ESRRG: variants seen among roughly 807,000 people sequenced by gnomAD.
ESRRG encodes estrogen related receptor gamma, also known as estrogen-related receptor gamma.
Under a neutral mutation model 44.0 loss-of-function variants are expected in ESRRG, and 13 were observed. The observed-to-expected ratio is 0.30, with a 90% CI of 0.19 to 0.47. ESRRG has a LOEUF of 0.47. ESRRG is among the 20% of genes least tolerant of loss of function. ESRRG has a pLI of 1.00. For missense variants in ESRRG, 395 were observed against 580.6 expected, an observed-to-expected ratio of 0.68 and a Z score of 3.29; for synonymous variants, 215 against 214.6, an observed-to-expected ratio of 1.00 and a Z score of -0.02.
intron 1 of ESRRG, among the ~76,000 whole-genome samples, chr1:217,094,717 G>T (rs2092397900): frequency 6.6e-6 from 1 of 152,222 alleles, no homozygotes; most frequent in Admixed American, 6.5e-5. Flanking sequence ...TGCACATCTT[G>T]CTAGTTATAG....
In ESRRG at chr1:216,723,303, C is replaced by A; in HGVS notation, c.-4G>T. On this transcript the variant is annotated 5_prime_UTR_variant, in exon 1 of 7. Transcript: ENST00000408911. ...GGCAAAGTTCTACCGAATCCATGTG[C>A]GACCGGCAACCATTATTTGTGCACC... is the stretch of plus-strand genomic sequence containing the variant. The A allele has an allele frequency of 6.2e-7, 1 of 1,613,794 alleles. No homozygotes were observed. Among genetic ancestry groups the A allele is most frequent in the Non-Finnish European group, 8.5e-7 (1 of 1,179,846 alleles).
At chr1:217,058,900 T>A (rs1433810183) in intron 1 of ESRRG, among the ~76,000 whole-genome samples, 1 of 147,218 alleles carries the variant, frequency 6.8e-6, no homozygotes, top group Non-Finnish European at 1.5e-5. Context: ...ATAATGTAAA[T>A]ATAGAATAAA....
At chr1:216,789,101 G>C (rs1217754410) in intron 2 of ESRRG, among the ~76,000 whole-genome samples, 1 of 152,168 alleles carries the variant, frequency 6.6e-6, no homozygotes, top group Non-Finnish European at 1.5e-5. Flanking sequence ...CATAAACTTA[G>C]ATGATAAAGC....
intron 5 of ESRRG, among the ~76,000 whole-genome samples, chr1:216,544,069 A>G (rs1167261532): frequency 6.6e-6 from 1 of 152,048 alleles, no homozygotes; most frequent in Non-Finnish European, 1.5e-5. Flanking sequence ...CATCCAGACA[A>G]AATAGGTGGA....
intron 2 of ESRRG, among the ~76,000 whole-genome samples, chr1:216,899,852 C>T (rs1407129934): frequency 6.6e-6 from 1 of 152,098 alleles, no homozygotes; most frequent in Non-Finnish European, 1.5e-5. Flanking sequence ...GTGAGTCTGG[C>T]AGATGCTGGC....
At chr1:216,895,650 C>T (rs1436648446) in intron 2 of ESRRG, among the ~76,000 whole-genome samples, 2 of 152,172 alleles carry the variant, frequency 1.3e-5, no homozygotes, top group Non-Finnish European at 2.9e-5. Context: ...GTCAACTTTT[C>T]CTTCTAATGA....
intron 1 of ESRRG, among the ~76,000 whole-genome samples, chr1:217,126,672 C>T (rs932275549): frequency 9.2e-5 from 14 of 152,126 alleles, no homozygotes; most frequent in Admixed American, 2.6e-4. Flanking sequence ...TTGGTATAGA[C>T]ACACCTACAA....
chr1:217,052,975 C>A (rs757030206), intron 1 of ESRRG, among the ~76,000 whole-genome samples: 4 of 152,038 alleles, frequency 2.6e-5, no homozygotes, highest in Admixed American at 6.6e-5. Context: ...TTGCTTTCAA[C>A]TTCCTTCATT....
At chr1:216,810,792 T>A (rs939805988) in intron 2 of ESRRG, among the ~76,000 whole-genome samples, 1 of 148,412 alleles carries the variant, frequency 6.7e-6, no homozygotes, top group African/African-American at 2.5e-5. Context: ...TATATTTAAC[T>A]AATATATATA....
At chr1:216,746,426 A>AAT (rs2091407088) in intron 2 of ESRRG, among the ~76,000 whole-genome samples, 1 of 152,298 alleles carries the variant, frequency 6.6e-6, no homozygotes, top group African/African-American at 2.4e-5. Flanking sequence ...ATATTAATTT[A>AAT]ATATATATAG....
chr1:216,610,024 G>A (rs2060420615), intron 3 of ESRRG, among the ~76,000 whole-genome samples: 1 of 152,122 alleles, frequency 6.6e-6, no homozygotes, highest in Non-Finnish European at 1.5e-5. Context: ...GTCACAGAAG[G>A]GCCTAGCCCT....
At chr1:216,920,004 C>T (rs1313680846) in intron 2 of ESRRG, among the ~76,000 whole-genome samples, 3 of 152,144 alleles carry the variant, frequency 2.0e-5, no homozygotes, top group African/African-American at 7.2e-5. Context: ...GGTAGCACTA[C>T]GATACAAGAG....
chr1:216,916,033 T>TG (rs1491578690), intron 2 of ESRRG, among the ~76,000 whole-genome samples: 3 of 150,710 alleles, frequency 2.0e-5, no homozygotes, highest in African/African-American at 7.3e-5. Flanking sequence ...TCTCTACCAC[T>TG]GTGTGTGTGT....
intron 1 of ESRRG, among the ~76,000 whole-genome samples, chr1:217,102,460 G>A (rs1294505572): frequency 6.6e-6 from 1 of 152,160 alleles, no homozygotes; most frequent in Non-Finnish European, 1.5e-5. Flanking sequence ...TTACAGATGA[G>A]GGAGTTGAAA....
chr1:217,090,368 A>G (rs1210077327), upstream of ESRRG: 2 of 151,968 alleles, frequency 1.3e-5, no homozygotes, highest in South Asian at 2.1e-4. Flanking sequence ...TCCTACGGCT[A>G]GGGATCCCAA....
intron 3 of ESRRG, among the ~76,000 whole-genome samples, chr1:216,573,669 T>C (rs1402839726): frequency 6.6e-6 from 1 of 151,828 alleles, no homozygotes; most frequent in African/African-American, 2.4e-5. Flanking sequence ...ATATCTAGTA[T>C]CATGTTTTAT....
chr1:216,980,294 A>G (rs1011580389), intron 1 of ESRRG, among the ~76,000 whole-genome samples: 1 of 152,196 alleles, frequency 6.6e-6, no homozygotes, highest in African/African-American at 2.4e-5. Context: ...ATCCTATTGT[A>G]TAAGTTTGAG....
chr1:216,972,209 T>C (rs1245174414), intron 1 of ESRRG, among the ~76,000 whole-genome samples: 1 of 152,180 alleles, frequency 6.6e-6, no homozygotes, highest in Non-Finnish European at 1.5e-5. Flanking sequence ...TCCACATTCA[T>C]AAAAAGATGG....
chr1:216,927,410 C>A (rs1010701141), intron 2 of ESRRG, among the ~76,000 whole-genome samples: 1 of 152,222 alleles, frequency 6.6e-6, no homozygotes, highest in East Asian at 1.9e-4. Flanking sequence ...GGGAGGGAGG[C>A]GTTCTTGGCC....
Sources: allele counts gnomAD v4.1 joint callset (sites outside exome capture counted in the v4.1 genomes callset), GRCh38; gene constraint gnomAD v4.1.1; transcripts MANE v1.5; gene names NCBI Gene and HGNC (gene_info 2026-07-23, HGNC 2026-07-21).